Variants in CAMK1D observed in about 807,000 individuals in gnomAD.
CAMK1D encodes the protein calcium/calmodulin-dependent protein kinase type 1D.
CAMK1D carries 9 observed loss-of-function variants against 47.7 expected under a neutral mutation model. The ratio of observed to expected loss-of-function variants is 0.19; its 90% CI spans 0.11 to 0.33. The LOEUF (loss-of-function observed/expected upper bound fraction) is 0.33. Among genes scored for constraint, CAMK1D ranks in the 10% least tolerant of loss-of-function variants. The pLI, the probability that CAMK1D is intolerant of heterozygous loss-of-function variation, is 1.00. For missense variants in CAMK1D, 291 were observed against 488.7 expected (o/e 0.60, Z 3.81); for synonymous variants, 184 against 184.9 (o/e 0.99, Z 0.04).
intron 2 of CAMK1D, among the ~76,000 whole-genome samples, chr10:12,561,718 G>GAATA (rs1398088714): frequency 1.3e-5 from 2 of 152,208 alleles, no homozygotes; most frequent in Non-Finnish European, 2.9e-5. Context: ...AGACAAGAGA[G>GAATA]AATATATTTG....
At chr10:12,548,060 G>A (rs752776200) in intron 1 of CAMK1D, among the ~76,000 whole-genome samples, 13 of 152,168 alleles carry the variant, frequency 8.5e-5, no homozygotes, top group Non-Finnish European at 1.5e-4. Flanking sequence ...TCAGCCCAGC[G>A]TGACACATTG....
intron 3 of CAMK1D, among the ~76,000 whole-genome samples, chr10:12,710,201 T>A (rs758514238): frequency 5.3e-5 from 8 of 152,214 alleles, no homozygotes; most frequent in Admixed American, 5.2e-4. Flanking sequence ...ACACTTAACT[T>A]CTTCTTTAAT....
At chr10:12,606,757 T>A (rs1464360704) in intron 2 of CAMK1D, among the ~76,000 whole-genome samples, 4 of 152,318 alleles carry the variant, frequency 2.6e-5, no homozygotes, top group African/African-American at 9.6e-5. Flanking sequence ...GATATTATCA[T>A]TCGCAAAGTG....
intron 1 of CAMK1D, among the ~76,000 whole-genome samples, chr10:12,530,805 C>G (rs1835780417): frequency 6.6e-6 from 1 of 152,044 alleles, no homozygotes; most frequent in African/African-American, 2.4e-5. Flanking sequence ...GCCTGTAATC[C>G]CAGCACTTTG....
At chr10:12,558,001 A>AG (rs1836820438) in intron 2 of CAMK1D, among the ~76,000 whole-genome samples, 1 of 152,244 alleles carries the variant, frequency 6.6e-6, no homozygotes, top group South Asian at 2.1e-4. Context: ...TGAAGCTCAG[A>AG]GGGAAACATT....
At chr10:12,631,742 C>T (rs1329295210) in intron 2 of CAMK1D, among the ~76,000 whole-genome samples, 1 of 151,610 alleles carries the variant, frequency 6.6e-6, no homozygotes, top group Non-Finnish European at 1.5e-5. Context: ...TTTGAAAAGC[C>T]AAGACATGGT....
intron 1 of CAMK1D, among the ~76,000 whole-genome samples, chr10:12,414,340 A>G (rs1334517984): frequency 1.3e-5 from 2 of 152,206 alleles, no homozygotes; most frequent in African/African-American, 4.8e-5. Flanking sequence ...TACAAAGAAG[A>G]CAGCATTTGT....
At chr10:12,528,522 T>C (rs933141329) in intron 1 of CAMK1D, among the ~76,000 whole-genome samples, 1 of 152,156 alleles carries the variant, frequency 6.6e-6, no homozygotes, top group African/African-American at 2.4e-5. Flanking sequence ...TGTGGTACAT[T>C]TACAAACGTA....
intron 1 of CAMK1D, among the ~76,000 whole-genome samples, chr10:12,539,693 G>T (rs1836102009): frequency 6.6e-6 from 1 of 152,216 alleles, no homozygotes; most frequent in African/African-American, 2.4e-5. Context: ...GGAGATCTGG[G>T]AAGACCATAG....
At chr10:12,409,038 G>A (rs142676972) in intron 1 of CAMK1D, among the ~76,000 whole-genome samples, 171 of 151,990 alleles carry the variant, frequency 1.1e-3, no homozygotes, top group Non-Finnish European at 1.8e-3. Context: ...TGTACTTTTA[G>A]TAGAGACGGA....
chr10:12,700,960 A>G (rs941077936), intron 3 of CAMK1D, among the ~76,000 whole-genome samples: 2 of 152,202 alleles, frequency 1.3e-5, no homozygotes, highest in African/African-American at 2.4e-5. Flanking sequence ...TAAAGCATAA[A>G]ATTTTCTCCT....
intron 2 of CAMK1D, among the ~76,000 whole-genome samples, chr10:12,571,443 G>A (rs1211128629): frequency 1.9e-5 from 2 of 104,148 alleles, no homozygotes; most frequent in Non-Finnish European, 3.5e-5. Context: ...GACAGAGGGA[G>A]ACTCCATCAC....
chr10:12,362,637 A>G (rs1210540073), intron 1 of CAMK1D, among the ~76,000 whole-genome samples: 1 of 152,098 alleles, frequency 6.6e-6, no homozygotes. Flanking sequence ...AGCTGGGACT[A>G]CAGGCGCCCG....
chr10:12,468,430 T>G (rs1833654427), intron 1 of CAMK1D, among the ~76,000 whole-genome samples: 1 of 152,206 alleles, frequency 6.6e-6, no homozygotes, highest in African/African-American at 2.4e-5. Context: ...AGCCATGTTG[T>G]GGGCCACAGG....
chr10:12,819,765 G>T (rs534239672), intron 8 of CAMK1D, among the ~76,000 whole-genome samples: 8 of 152,276 alleles, frequency 5.3e-5, no homozygotes, highest in African/African-American at 1.9e-4. Context: ...GAGTGTGGGA[G>T]CGTGGCCAGA....
chr10:12,774,733 G>C (rs898321676), intron 5 of CAMK1D, among the ~76,000 whole-genome samples: 12 of 152,350 alleles, frequency 7.9e-5, no homozygotes, highest in African/African-American at 2.9e-4. Flanking sequence ...TCCGCCTCCT[G>C]TCAGATCAGC....
At chr10:12,710,050 T>C (rs1833876795) in intron 3 of CAMK1D, among the ~76,000 whole-genome samples, 2 of 152,200 alleles carry the variant, frequency 1.3e-5, no homozygotes, top group Admixed American at 1.3e-4. Context: ...TGCCTCAGTT[T>C]CCTCTAAAAT....
chr10:12,638,334 A>G (rs1839571067), intron 2 of CAMK1D, among the ~76,000 whole-genome samples: 1 of 152,042 alleles, frequency 6.6e-6, no homozygotes, highest in Non-Finnish European at 1.5e-5. Context: ...GCTGTTCTTT[A>G]CTGTATCCCT....
At chr10:12,670,158 G>A (rs1424044664) in intron 3 of CAMK1D, among the ~76,000 whole-genome samples, 1 of 138,968 alleles carries the variant, frequency 7.2e-6, no homozygotes, top group African/African-American at 2.7e-5. Flanking sequence ...CCAGCGGTAT[G>A]TGTCAGTTCC....
Sources: gnomAD v4.1 joint callset for allele counts (sites outside exome capture counted in the v4.1 genomes callset) on GRCh38, gnomAD v4.1.1 for gene constraint, MANE v1.5 for transcripts, NCBI Gene and HGNC (gene_info 2026-07-23, HGNC 2026-07-21) for gene names.